EPB41L1: variants seen among roughly 807,000 people sequenced by gnomAD.
The protein encoded by EPB41L1 is band 4.1-like protein 1.
In EPB41L1, 29 loss-of-function variants were observed where a neutral mutation model predicts 97.8. The ratio of observed to expected loss-of-function variants is 0.30; its 90% CI spans 0.22 to 0.40. The LOEUF (loss-of-function observed/expected upper bound fraction) is 0.40, where lower values mean the gene tolerates loss of function less well. Ranked by LOEUF, EPB41L1 falls within the 10% of genes least tolerant of loss-of-function variation. The pLI is 1.00. For synonymous variants in EPB41L1, 383 were observed against 459.2 expected, an observed-to-expected ratio of 0.83 and a Z score of 2.12; for missense variants, 812 against 1,162.3, an observed-to-expected ratio of 0.70 and a Z score of 4.38.
chr20:36,207,320 C>G lies in EPB41L1; in HGVS notation c.1669-2168C>G. 1 of 1,285,360 alleles carries G rather than the reference C, an allele frequency of 7.8e-7. No homozygotes were observed. Among genetic ancestry groups the G allele is most frequent in the East Asian group, 5.6e-5 (1 of 17,940 alleles). 79.6% of individuals were successfully genotyped at this position (1,285,360 alleles called of 1,614,324 possible). ...ACCAGCAGAAAGCCCAGAGTAGTCC[C>G]TGAAGAAGCTGAGGGGCGCATACCT... On this transcript the variant is annotated intron_variant, in intron 14 of 21. Transcript: ENST00000338074. This position sits in a 1 kb window ranked among gnomAD's most constrained non-coding sequence, Gnocchi z 4.9.
chr20:36,153,175 G>A (rs2060126313), upstream of EPB41L1: 2 of 445,322 alleles, frequency 4.5e-6, no homozygotes, highest in South Asian at 3.2e-5. Context: ...TCTCTAAAGG[G>A]TGCTGAGGAG....
intron 5 of EPB41L1, 127 bp downstream of exon 5, chr20:36,178,799 G>A (rs2061357204): frequency 3.8e-6 from 4 of 1,050,050 alleles, no homozygotes; most frequent in Non-Finnish European, 6.0e-6. Context: ...GCTCATCCCT[G>A]TAATCCCAAC....
At chr20:36,186,164 A>ACT (rs1257113246) in intron 7 of EPB41L1, among the ~76,000 whole-genome samples, 1 of 151,538 alleles carries the variant, frequency 6.6e-6, no homozygotes, top group African/African-American at 2.4e-5. Context: ...CAACCCAGAT[A>ACT]CTCCCCTTTG....
chr20:36,132,290 T>A (rs1240578544), intron 2 of EPB41L1, among the ~76,000 whole-genome samples: 1 of 152,078 alleles, frequency 6.6e-6, no homozygotes, highest in Non-Finnish European at 1.5e-5. Flanking sequence ...CCTGGCCTTT[T>A]CCAGCTCTCC....
intron 2 of EPB41L1, among the ~76,000 whole-genome samples, chr20:36,139,740 A>ATTTATTTATTTATTTTTATT (rs943742073): frequency 1.3e-5 from 2 of 151,648 alleles, no homozygotes; most frequent in African/African-American, 4.9e-5. Context: ...TTATTTATTT[A>ATTTATTTATTTATTTTTATT]TTTTTTTTAA....
intron 1 of EPB41L1, among the ~76,000 whole-genome samples, chr20:36,109,427 T>C (rs2058315246): frequency 6.6e-6 from 1 of 152,206 alleles, no homozygotes; most frequent in African/African-American, 2.4e-5. Context: ...CAAGTGAGTA[T>C]TTAGCACAGT....
intron 2 of EPB41L1, chr20:36,122,737 C>T (rs948453032): frequency 1.3e-5 from 2 of 152,298 alleles, no homozygotes. Flanking sequence ...CCTGGTTCCA[C>T]TGCTTACTCG....
chr20:36,173,729 C>A (rs2061096714), intron 1 of EPB41L1, 35 bp from the exon 2 acceptor site: 1 of 1,602,126 alleles, frequency 6.2e-7, no homozygotes, highest in African/African-American at 1.3e-5. Context: ...ATTGCTGTCC[C>A]TCCCTGTCAC....
intron 1 of EPB41L1, among the ~76,000 whole-genome samples, chr20:36,106,212 C>T (rs1191397412): frequency 1.3e-5 from 2 of 152,254 alleles, no homozygotes; most frequent in Non-Finnish European, 2.9e-5. Flanking sequence ...CACAGGACCA[C>T]TGCCTGTGCA....
In EPB41L1 at chr20:36,186,951, T is replaced by C. The variant is rs74652769; in HGVS notation, c.786-725T>C. On this transcript the variant is annotated intron_variant, in intron 7 of 21. Coordinates refer to ENST00000338074, the MANE Select transcript of EPB41L1 (RefSeq NM_012156.2). ...ATTGTCTAGATTCAAATTCTGACTC[T>C]TCTTCATAGCAGTGTGACCTTGGAC... 3.6e-4 allele frequency among the ~76,000 whole-genome samples: 55 copies of C among 152,326 alleles called. No individual in the cohort carries two copies. The East Asian group carries it at 0.01, about 29-fold the overall frequency.
intron 2 of EPB41L1, among the ~76,000 whole-genome samples, chr20:36,144,750 A>C (rs2059772453): frequency 1.3e-5 from 2 of 152,200 alleles, no homozygotes; most frequent in South Asian, 4.1e-4. Flanking sequence ...GGAGGAATTA[A>C]ACTGCCATAG....
rs139953725 is a variant in EPB41L1 at position 36,159,048 on chromosome 20, G to A, written c.-15+4152G>A. 1.2e-3 allele frequency among the ~76,000 whole-genome samples: 190 copies of A among 152,276 alleles called. 1 individual carries two copies. The highest frequency in any genetic ancestry group is 4.2e-3 in the African/African-American group (174 of 41,544). ...TGTGGGGACTTGGAGGGCTGGGGAG[G>A]GATCAAGATTGGCACTCATTAAGGT... On this transcript the variant is annotated intron_variant, in intron 1 of 21. Coordinates refer to ENST00000338074, the MANE Select transcript of EPB41L1 (RefSeq NM_012156.2).
intron 1 of EPB41L1, among the ~76,000 whole-genome samples, chr20:36,102,940 C>T (rs1206653435): frequency 6.6e-6 from 1 of 152,186 alleles, no homozygotes; most frequent in East Asian, 1.9e-4. Context: ...ACACCCAGTG[C>T]TTCCTATGTC....
intron 11 of EPB41L1, among the ~76,000 whole-genome samples, chr20:36,192,096 T>G (rs759238683): frequency 6.6e-6 from 1 of 151,734 alleles, no homozygotes; most frequent in Non-Finnish European, 1.5e-5. Context: ...CGTGGTGGCA[T>G]GCACCTGTAA....
At position 36,092,806 on chromosome 20, in the gene EPB41L1, G is replaced by C. The variant is rs1415215365; in HGVS notation, c.-65+1194G>C. Reference sequence around the variant, plus strand: ...GACAGCTCCCGGAAGCCGCGCCGCCGCCGCCAGGTTAGCCGCACCCGCCGT... The same window carrying C: ...GACAGCTCCCGGAAGCCGCGCCGCCCCCGCCAGGTTAGCCGCACCCGCCGT... On this transcript the variant is annotated intron_variant, in intron 1 of 19. Coordinates refer to the EPB41L1 transcript ENST00000202028. The surrounding 1 kb of genome is among the most constrained non-coding windows in gnomAD (Gnocchi z 7.0). 6.5e-6 allele frequency: 1 copy of C among 152,798 alleles called. No individual in the cohort carries two copies. The highest frequency in any genetic ancestry group is 1.9e-4 in the East Asian group (1 of 5,194). 9.5% of individuals were successfully genotyped at this position (152,798 alleles called of 1,614,324 possible).
chr20:36,170,530 A>G (rs1338080661), intron 1 of EPB41L1, among the ~76,000 whole-genome samples: 1 of 152,036 alleles, frequency 6.6e-6, no homozygotes, highest in African/African-American at 2.4e-5. Context: ...ATAAGCCATC[A>G]TTTCTCTCAC....
In EPB41L1 at chr20:36,144,144, C is replaced by T. The variant is rs73283497; in HGVS notation, c.-9-31407C>T. Among the ~76,000 whole-genome samples the T allele has an allele frequency of 4.2e-3, 636 of 152,286 alleles. 6 individuals carry two copies. Among genetic ancestry groups the T allele is most frequent in the African/African-American group, 0.014 (583 of 41,558 alleles). On this transcript the variant is annotated intron_variant, in intron 2 of 19. Coordinates refer to the EPB41L1 transcript ENST00000202028. ...TAAGAATTACAGGCGTCAGCCACTG[C>T]GCCCAGCCCCCTAAAAGGTTTAGAA...
intron 2 of EPB41L1, among the ~76,000 whole-genome samples, chr20:36,124,506 C>A (rs181807106): frequency 6.6e-6 from 1 of 152,150 alleles, no homozygotes; most frequent in African/African-American, 2.4e-5. Flanking sequence ...CAAATTTATT[C>A]CAGTCTCAAG....
At chr20:36,156,390 T>C (rs1056633359) in intron 1 of EPB41L1, among the ~76,000 whole-genome samples, 2 of 152,216 alleles carry the variant, frequency 1.3e-5, no homozygotes, top group Admixed American at 6.5e-5. Flanking sequence ...GCTTCTTCCA[T>C]AGAATCCTGC....
Sources: gnomAD v4.1 joint callset for allele counts (sites outside exome capture counted in the v4.1 genomes callset) on GRCh38, gnomAD v4.1.1 for gene constraint, Gnocchi (gnomAD v3.1) non-coding constraint, MANE v1.5 for transcripts, NCBI Gene and HGNC (gene_info 2026-07-23, HGNC 2026-07-21) for gene names.